The following MAD1L1 variants were observed in gnomAD, a reference collection of about 807,000 sequenced individuals.
The protein encoded by MAD1L1 is mitotic arrest deficient 1 like 1, also known as mitotic spindle assembly checkpoint protein MAD1.
MAD1L1 carries 95 observed loss-of-function variants against 96.9 expected under a neutral mutation model. The ratio of observed to expected loss-of-function variants is 0.98; its 90% CI spans 0.83 to 1.16. The LOEUF (loss-of-function observed/expected upper bound fraction) is 1.16, where lower values mean the gene tolerates loss of function less well. Among genes scored for constraint, MAD1L1 ranks in the 50% most tolerant of loss-of-function variants. MAD1L1 has a pLI of 0.00. For synonymous variants in MAD1L1, 473 were observed against 396.6 expected (o/e 1.19, Z -2.29); for missense variants, 1,007 against 954.4 (o/e 1.06, Z -0.73).
chr7:1,897,278 A>G (rs1305970538), intron 18 of MAD1L1, among the ~76,000 whole-genome samples: 1 of 150,828 alleles, frequency 6.6e-6, no homozygotes, highest in African/African-American at 2.5e-5. Flanking sequence ...TTCCATAAAG[A>G]CACGCAGAGG....
chr7:2,067,356 AG>A (rs1784924840), intron 12 of MAD1L1, among the ~76,000 whole-genome samples: 1 of 152,100 alleles, frequency 6.6e-6, no homozygotes, highest in South Asian at 2.1e-4. Flanking sequence ...AGAGAGAATG[AG>A]GGACATCTGA....
At chr7:1,829,849 G>A (rs530741254) in intron 18 of MAD1L1, among the ~76,000 whole-genome samples, 18 of 152,086 alleles carry the variant, frequency 1.2e-4, no homozygotes, top group African/African-American at 3.1e-4. Flanking sequence ...ACAACTGACC[G>A]ACAGAGGAAC....
At chr7:2,051,692 C>A (rs1784182173) in intron 12 of MAD1L1, among the ~76,000 whole-genome samples, 1 of 141,900 alleles carries the variant, frequency 7.0e-6, no homozygotes, top group South Asian at 2.4e-4. Flanking sequence ...CTGTCCCCTA[C>A]CTCCCCCAAC....
intron 16 of MAD1L1, among the ~76,000 whole-genome samples, chr7:1,939,896 A>G (rs1778862458): frequency 6.6e-6 from 1 of 152,232 alleles, no homozygotes; most frequent in African/African-American, 2.4e-5. Context: ...GCCATGGGCA[A>G]TCGTGGTCCC....
intron 11 of MAD1L1, among the ~76,000 whole-genome samples, chr7:2,093,532 C>T (rs529807852): frequency 6.0e-4 from 91 of 152,332 alleles, no homozygotes; most frequent in Non-Finnish European, 1.0e-3. Context: ...TCCACATTCT[C>T]GAGTGTTCTG....
At chr7:1,823,565 A>C (rs1263548123) in intron 18 of MAD1L1, among the ~76,000 whole-genome samples, 1 of 152,144 alleles carries the variant, frequency 6.6e-6, no homozygotes, top group Non-Finnish European at 1.5e-5. Flanking sequence ...CTTAACCCCA[A>C]GTGGGATTCC....
intron 11 of MAD1L1, among the ~76,000 whole-genome samples, chr7:2,070,451 G>C (rs895138902): frequency 5.3e-5 from 8 of 152,128 alleles, no homozygotes; most frequent in Non-Finnish European, 1.0e-4. Context: ...GAGGCCGCCC[G>C]AGAGGAGGAG....
chr7:1,931,265 C>T (rs1205652420), intron 17 of MAD1L1, among the ~76,000 whole-genome samples: 2 of 152,094 alleles, frequency 1.3e-5, no homozygotes, highest in African/African-American at 4.8e-5. Flanking sequence ...GTCACAGGAG[C>T]GAGGGCGCGT....
chr7:2,165,203 CA>C (rs1254223969), intron 10 of MAD1L1, among the ~76,000 whole-genome samples: 60 of 126,446 alleles, frequency 4.7e-4, no homozygotes, highest in African/African-American at 3.2e-4. Context: ...GACTCCATCT[CA>C]AAAAAAAAAA....
rs376610080 is a variant in MAD1L1, at chr7:1,905,104, C to T, written c.1808-6714G>A. Reference sequence around the variant, plus strand: ...ATTGATGAAGCACTGTTCCAGGCAGCGAGGACGCAGTGGCCTACGGAAGAC... The same window carrying T: ...ATTGATGAAGCACTGTTCCAGGCAGTGAGGACGCAGTGGCCTACGGAAGAC... On this transcript the variant is annotated intron_variant, in intron 17 of 18. Coordinates refer to ENST00000265854, the MANE Select transcript of MAD1L1 (RefSeq NM_001013836.2). 1.9e-4 allele frequency among the ~76,000 whole-genome samples: 16 copies of T among 85,582 alleles called. 2 individuals are homozygous for T. The highest frequency in any genetic ancestry group is 5.9e-3 in the Middle Eastern group (1 of 170). 56.1% of individuals were successfully genotyped at this position (85,582 alleles called of 152,430 possible).
At chr7:2,007,179 C>T (rs781317568) in intron 13 of MAD1L1, among the ~76,000 whole-genome samples, 3 of 152,178 alleles carry the variant, frequency 2.0e-5, no homozygotes, top group African/African-American at 2.4e-5. Flanking sequence ...TGGAGAAGCA[C>T]GGGAAACGCT....
At chr7:2,131,819 C>T (rs557669932) in intron 11 of MAD1L1, among the ~76,000 whole-genome samples, 1 of 152,296 alleles carries the variant, frequency 6.6e-6, no homozygotes, top group South Asian at 2.1e-4. Flanking sequence ...AGCCATCGCA[C>T]CTGGGGTCTC....
intron 12 of MAD1L1, among the ~76,000 whole-genome samples, chr7:2,041,242 A>C (rs933491109): frequency 6.6e-6 from 1 of 152,170 alleles, no homozygotes; most frequent in African/African-American, 2.4e-5. Flanking sequence ...ACAACTGTGA[A>C]TCCTTCCTCA....
chr7:1,976,626 G>A (rs1475701683), intron 15 of MAD1L1, among the ~76,000 whole-genome samples: 1 of 152,198 alleles, frequency 6.6e-6, no homozygotes, highest in Non-Finnish European at 1.5e-5. Flanking sequence ...GGTTGCCGCT[G>A]CTAGCTCTGG....
At chr7:1,955,690 C>T (rs1374718571) in intron 16 of MAD1L1, among the ~76,000 whole-genome samples, 1 of 152,136 alleles carries the variant, frequency 6.6e-6, no homozygotes, top group African/African-American at 2.4e-5. Flanking sequence ...TGCGCAGGCC[C>T]CTCCCCCGGT....
At chr7:2,126,495 G>A (rs1257125737) in intron 11 of MAD1L1, among the ~76,000 whole-genome samples, 1 of 152,142 alleles carries the variant, frequency 6.6e-6, no homozygotes, top group East Asian at 1.9e-4. Context: ...CCTCAGGCCT[G>A]GGGGGCAGCG....
intron 10 of MAD1L1, among the ~76,000 whole-genome samples, chr7:2,174,731 TTC>T (rs1790867881): frequency 6.6e-6 from 1 of 152,212 alleles, no homozygotes; most frequent in South Asian, 2.1e-4. Flanking sequence ...GAGGACATTT[TTC>T]TTGTTTCATT....
intron 12 of MAD1L1, among the ~76,000 whole-genome samples, chr7:2,020,077 G>T (rs980096833): frequency 6.6e-6 from 1 of 152,240 alleles, no homozygotes; most frequent in Non-Finnish European, 1.5e-5. Context: ...CAGCAGCTGC[G>T]AGCTGTTGTG....
chr7:1,879,532 A>T (rs1202088406), intron 18 of MAD1L1, among the ~76,000 whole-genome samples: 1 of 152,180 alleles, frequency 6.6e-6, no homozygotes, highest in Non-Finnish European at 1.5e-5. Flanking sequence ...TCAAAGTCCC[A>T]GCAGGCTTTT....
Sources: allele counts gnomAD v4.1 joint callset (sites outside exome capture counted in the v4.1 genomes callset), GRCh38; gene constraint gnomAD v4.1.1; transcripts MANE v1.5; gene names NCBI Gene and HGNC (gene_info 2026-07-23, HGNC 2026-07-21).